NLGN1: variants seen among roughly 807,000 people sequenced by gnomAD.
The protein encoded by NLGN1 is neuroligin-1.
In NLGN1, 12 loss-of-function variants were observed where a neutral mutation model predicts 65.5. The observed-to-expected ratio is 0.18, with a 90% CI of 0.12 to 0.30. The LOEUF (loss-of-function observed/expected upper bound fraction) is 0.30, where lower values mean the gene tolerates loss of function less well. Ranked by LOEUF, NLGN1 falls within the 10% of genes least tolerant of loss-of-function variation. NLGN1 has a pLI of 1.00. For missense variants in NLGN1, 750 were observed against 1,007.1 expected (o/e 0.74, Z 3.46); for synonymous variants, 350 against 359.5 (o/e 0.97, Z 0.30).
At chr3:173,649,581 C>A (rs1758817297) in intron 3 of NLGN1, among the ~76,000 whole-genome samples, 1 of 151,908 alleles carries the variant, frequency 6.6e-6, no homozygotes, top group Non-Finnish European at 1.5e-5. Flanking sequence ...CTTCACATTC[C>A]CTCCTAGTGT....
intron 3 of NLGN1, among the ~76,000 whole-genome samples, chr3:173,675,897 A>T (rs1010187885): frequency 2.0e-4 from 27 of 131,798 alleles, no homozygotes; most frequent in Middle Eastern, 4.1e-3. Context: ...TCACACACAC[A>T]CACACACACA....
chr3:173,610,174 A>T (rs934343747), intron 3 of NLGN1, among the ~76,000 whole-genome samples: 1 of 151,940 alleles, frequency 6.6e-6, no homozygotes. Flanking sequence ...TATTTTAAAG[A>T]TCACATTCCT....
intron 1 of NLGN1, among the ~76,000 whole-genome samples, chr3:173,434,595 A>G (rs1717764044): frequency 6.6e-6 from 1 of 152,214 alleles, no homozygotes; most frequent in African/African-American, 2.4e-5. Flanking sequence ...TCTACAATCT[A>G]CTTTCAGAAT....
chr3:174,177,533 C>T (rs1175437576), intron 4 of NLGN1, among the ~76,000 whole-genome samples: 13 of 151,934 alleles, frequency 8.6e-5, no homozygotes, highest in Admixed American at 8.5e-4. Context: ...GAAGGAATAA[C>T]TAATTATAAG....
intron 3 of NLGN1, among the ~76,000 whole-genome samples, chr3:173,641,923 A>G (rs1757474915): frequency 6.6e-6 from 1 of 152,140 alleles, no homozygotes; most frequent in Admixed American, 6.5e-5. Context: ...CAGAGACCAT[A>G]TGGCTGCAAA....
chr3:174,154,951 TA>T (rs1725075273), intron 4 of NLGN1, among the ~76,000 whole-genome samples: 1 of 140,930 alleles, frequency 7.1e-6, no homozygotes, highest in African/African-American at 2.6e-5. Flanking sequence ...ATATAATATA[TA>T]ATATAATATA....
intron 2 of NLGN1, among the ~76,000 whole-genome samples, chr3:173,561,956 TAAAC>T (rs1742807965): frequency 6.6e-6 from 1 of 152,192 alleles, no homozygotes; most frequent in African/African-American, 2.4e-5. Context: ...GTGTGACAAT[TAAAC>T]AAAATAAAGC....
At chr3:173,697,693 A>C (rs1410771951) in intron 3 of NLGN1, among the ~76,000 whole-genome samples, 1 of 151,870 alleles carries the variant, frequency 6.6e-6, no homozygotes, top group Admixed American at 6.6e-5. Context: ...AAGCCCGGCT[A>C]ATTTTGTATT....
Position 173,813,384 on chromosome 3 carries a change from C to T in NLGN1, c.646+5552C>T, listed in dbSNP as rs140803029. Among the ~76,000 whole-genome samples, 7 of 152,078 alleles carry T rather than the reference C, an allele frequency of 4.6e-5. No homozygotes were observed. In the South Asian group the frequency reaches 6.2e-4, roughly 14 times the overall value. On this transcript the variant is annotated intron_variant, in intron 4 of 6. Coordinates refer to ENST00000457714, the Ensembl canonical transcript of NLGN1. ...ATTTAAACAAATGTTAAATTTTATG[C>T]GATTGTAATATTCTACAACACATCC...
intron 4 of NLGN1, among the ~76,000 whole-genome samples, chr3:174,024,826 T>A (rs1200457777): frequency 6.6e-6 from 1 of 152,218 alleles, no homozygotes; most frequent in Non-Finnish European, 1.5e-5. Flanking sequence ...CATTAAATAT[T>A]TGGCTCTAAT....
intron 3 of NLGN1, among the ~76,000 whole-genome samples, chr3:173,641,173 T>C (rs1190224536): frequency 6.6e-6 from 1 of 152,188 alleles, no homozygotes; most frequent in African/African-American, 2.4e-5. Flanking sequence ...GTACTTGTTA[T>C]TCTTTCTAAA....
chr3:173,714,666 T>A (rs2149966595), intron 3 of NLGN1, among the ~76,000 whole-genome samples: 1 of 152,226 alleles, frequency 6.6e-6, no homozygotes, highest in South Asian at 2.1e-4. Flanking sequence ...AACTGGATCC[T>A]AGGAGAATGA....
chr3:173,791,223 G>A (rs553738460), intron 3 of NLGN1, among the ~76,000 whole-genome samples: 7 of 152,280 alleles, frequency 4.6e-5, no homozygotes, highest in East Asian at 3.9e-4. Flanking sequence ...CAACTTGGAC[G>A]CTTGAGTAGA....
chr3:173,978,686 A>T (rs1298797909), intron 4 of NLGN1, among the ~76,000 whole-genome samples: 1 of 151,792 alleles, frequency 6.6e-6, no homozygotes, highest in East Asian at 1.9e-4. Context: ...AACCTTTGTC[A>T]AATATTCCTG....
intron 4 of NLGN1, among the ~76,000 whole-genome samples, chr3:174,223,580 A>T (rs1739055710): frequency 6.6e-6 from 1 of 152,066 alleles, no homozygotes; most frequent in African/African-American, 2.4e-5. Context: ...GCAACTCTCA[A>T]ATCAGTGTGT....
intron 4 of NLGN1, among the ~76,000 whole-genome samples, chr3:174,038,639 G>A (rs184014493): frequency 6.6e-6 from 1 of 151,722 alleles, no homozygotes; most frequent in South Asian, 2.1e-4. Flanking sequence ...TTACTCTAAG[G>A]TTACCCCCCT....
chr3:173,564,237 C>T (rs184150515), intron 2 of NLGN1, among the ~76,000 whole-genome samples: 43 of 152,346 alleles, frequency 2.8e-4, no homozygotes, highest in Middle Eastern at 3.4e-3. Flanking sequence ...CACAGGTTTC[C>T]GTTAAATGCT....
chr3:173,420,961 T>G (rs1006785282), intron 1 of NLGN1, among the ~76,000 whole-genome samples: 2 of 152,210 alleles, frequency 1.3e-5, no homozygotes, highest in Admixed American at 6.5e-5. Context: ...AATACTTTTC[T>G]AATATCAGGT....
intron 4 of NLGN1, among the ~76,000 whole-genome samples, chr3:174,114,821 A>C (rs1235486912): frequency 6.6e-6 from 1 of 152,140 alleles, no homozygotes; most frequent in African/African-American, 2.4e-5. Flanking sequence ...TCCTAACAAT[A>C]CTAGGAAGAG....
Sources: allele counts gnomAD v4.1 joint callset (sites outside exome capture counted in the v4.1 genomes callset), GRCh38; gene constraint gnomAD v4.1.1; transcripts MANE v1.5; gene names NCBI Gene and HGNC (gene_info 2026-07-23, HGNC 2026-07-21).